PRMT3: variants seen among roughly 807,000 people sequenced by gnomAD.
PRMT3 encodes protein arginine methyltransferase 3.
Under a neutral mutation model 71.9 loss-of-function variants are expected in PRMT3, and 62 were observed. The observed-to-expected ratio is 0.86, with a 90% confidence interval of 0.70 to 1.07. The LOEUF (loss-of-function observed/expected upper bound fraction) is 1.07. Among genes scored for constraint, PRMT3 ranks in the 50% least tolerant of loss-of-function variants. PRMT3 has a pLI of 0.00. For synonymous variants in PRMT3, 213 were observed against 220.4 expected (o/e 0.97, Z 0.30); for missense variants, 663 against 643.0 (o/e 1.03, Z -0.34).
At chr11:20,468,954 A>G (rs1363701570) in intron 13 of PRMT3, among the ~76,000 whole-genome samples, 1 of 152,142 alleles carries the variant, frequency 6.6e-6, no homozygotes, top group African/African-American at 2.4e-5. Context: ...AACAGACTTT[A>G]TATTTTAGGA....
intron 10 of PRMT3, among the ~76,000 whole-genome samples, chr11:20,430,211 C>G (rs1849626604): frequency 6.6e-6 from 1 of 152,028 alleles, no homozygotes; most frequent in Non-Finnish European, 1.5e-5. Context: ...CATAGTTAAG[C>G]ATTTTTTTTC....
In PRMT3 at chr11:20,462,134, G is replaced by A. The variant is rs145890543; in HGVS notation, c.1227G>A (p.Pro409=). The change falls in exon 12 of 16, where the codon CCG becomes CCA. Residue 409 remains proline, a synonymous_variant. Transcript: ENST00000331079. ...IPEAVVEVLD[P]KTLISEPCGI... The stretch of plus-strand genomic sequence containing the variant: ...AAGCTGTTGTGGAAGTTTTAGATCC[G>A]AAGACTCTTATTTCAGAACCTTGTG... 336 of 1,611,362 alleles carry A rather than the reference G, an allele frequency of 2.1e-4. No homozygotes were observed. In the African/African-American group the frequency reaches 3.4e-3, roughly 16 times the overall value.
chr11:20,404,227 T>TG lies in PRMT3; in HGVS notation c.771+1243_771+1244insG, dbSNP rs1565196839. Among the ~76,000 whole-genome samples, 6 of 63,354 alleles carry TG rather than the reference T, an allele frequency of 9.5e-5. No individual in the cohort carries two copies. In the East Asian group the frequency reaches 2.3e-3, roughly 25 times the overall value. 41.6% of individuals were successfully genotyped at this position (63,354 alleles called of 152,430 possible). ...CTTTTCATAGTTTTTTTTTTTTTTT[T>TG]TTTTTTTTTTTTTTTTTTTTTTTTT... is the stretch of plus-strand genomic sequence containing the variant. On this transcript the variant is annotated intron_variant, in intron 8 of 15. Coordinates refer to ENST00000331079, the MANE Select transcript of PRMT3 (RefSeq NM_005788.4).
intron 6 of PRMT3, 39 bp from the exon 7 acceptor site, chr11:20,397,538 A>G (rs760897844): frequency 1.9e-6 from 3 of 1,608,210 alleles, no homozygotes; most frequent in African/African-American, 1.3e-5. Context: ...TCATGGTCCA[A>G]TAAACCTGTC....
rs147024066 is a variant in PRMT3 at position 20,487,836 on chromosome 11, A to G, written c.1348-6083A>G. Among the ~76,000 whole-genome samples the G allele has an allele frequency of 3.3e-5, 5 of 152,356 alleles. No individual in the cohort carries two copies. In the East Asian group the frequency reaches 9.6e-4, roughly 29 times the overall value. ...AAGATGATTTTTGCCCCCTAAAACC[A>G]CTTTAATAAGCAATTTTGAAATTAC... On this transcript the variant is annotated intron_variant, in intron 13 of 15. Coordinates refer to ENST00000331079, the MANE Select transcript of PRMT3 (RefSeq NM_005788.4).
At chr11:20,433,578 C>G (rs1339159572) in intron 10 of PRMT3, among the ~76,000 whole-genome samples, 1 of 152,008 alleles carries the variant, frequency 6.6e-6, no homozygotes, top group Admixed American at 6.6e-5. Flanking sequence ...TGGGTATATA[C>G]CCAGTAATGG....
At chr11:20,496,968 A>G (rs996013706) in intron 15 of PRMT3, among the ~76,000 whole-genome samples, 6 of 152,162 alleles carry the variant, frequency 3.9e-5, no homozygotes, top group South Asian at 2.1e-4. Flanking sequence ...GGCAAACCCA[A>G]ATGAGGTCCT....
At chr11:20,469,088 A>G (rs543884653) in intron 13 of PRMT3, among the ~76,000 whole-genome samples, 58 of 152,296 alleles carry the variant, frequency 3.8e-4, no homozygotes, top group Non-Finnish European at 1.6e-4. Context: ...TTACTTTAGG[A>G]TATTTTTGAC....
chr11:20,393,136 G>A (rs1428738068), intron 5 of PRMT3, 137 bp downstream of exon 5: 6 of 641,618 alleles, frequency 9.4e-6, no homozygotes, highest in Non-Finnish European at 1.6e-5. Context: ...AGTTTCAGTA[G>A]AAAAGTTAAG....
intron 10 of PRMT3, among the ~76,000 whole-genome samples, chr11:20,446,856 C>G (rs1565216155): frequency 6.6e-6 from 1 of 152,122 alleles, no homozygotes; most frequent in Non-Finnish European, 1.5e-5. Context: ...TCATCAGCCG[C>G]CTGTATTTTG....
chr11:20,449,723 C>G (rs942226502), intron 10 of PRMT3, among the ~76,000 whole-genome samples: 2 of 152,016 alleles, frequency 1.3e-5, no homozygotes, highest in Non-Finnish European at 2.9e-5. Flanking sequence ...TTTAAAATAA[C>G]ATTTTAATTT....
intron 11 of PRMT3, 63 bp downstream of exon 11, chr11:20,452,271 G>A: frequency 7.6e-7 from 1 of 1,316,510 alleles, no homozygotes; most frequent in Non-Finnish European, 1.1e-6. Context: ...ATGAACCTTT[G>A]GATTTCAAAT....
At chr11:20,426,706 T>C (rs1849553906) in intron 9 of PRMT3, 60 bp from the exon 10 acceptor site, 3 of 1,340,246 alleles carry the variant, frequency 2.2e-6, no homozygotes, top group Non-Finnish European at 2.9e-6. Context: ...AAAAATTATG[T>C]AATTTAACTA....
intron 10 of PRMT3, among the ~76,000 whole-genome samples, chr11:20,432,970 A>T (rs543641909): frequency 6.6e-6 from 1 of 152,122 alleles, no homozygotes; most frequent in African/African-American, 2.4e-5. Flanking sequence ...TAATTTGCAA[A>T]TATTTTCTCC....
chr11:20,473,227 TCTTCA>T (rs1362869710), intron 13 of PRMT3, among the ~76,000 whole-genome samples: 1 of 152,076 alleles, frequency 6.6e-6, no homozygotes. Flanking sequence ...GTCTCTATCT[TCTTCA>T]CTTCTGCTCT....
At chr11:20,408,167 T>C (rs1038229248) in intron 9 of PRMT3, 135 bp downstream of exon 9, 1 of 525,490 alleles carries the variant, frequency 1.9e-6, no homozygotes, top group South Asian at 3.9e-5. Flanking sequence ...TCCAGAATAA[T>C]AAGATTTTAA....
At chr11:20,496,007 C>T (rs1475760718) in intron 15 of PRMT3, among the ~76,000 whole-genome samples, 4 of 152,166 alleles carry the variant, frequency 2.6e-5, no homozygotes, top group South Asian at 2.1e-4. Context: ...GTAAAACTTT[C>T]GAGAACAGTT....
intron 12 of PRMT3, among the ~76,000 whole-genome samples, chr11:20,462,622 G>T (rs928336260): frequency 6.6e-6 from 1 of 152,004 alleles, no homozygotes; most frequent in Non-Finnish European, 1.5e-5. Context: ...TAGTAAATTT[G>T]CCCATGAAAC....
chr11:20,452,248 C>A, intron 11 of PRMT3, 40 bp downstream of exon 11: 1 of 1,458,942 alleles, frequency 6.9e-7, no homozygotes, highest in Non-Finnish European at 9.6e-7. Context: ...TAATTTTAGT[C>A]TAGCAGAACC....
Sources: allele counts gnomAD v4.1 joint callset (sites outside exome capture counted in the v4.1 genomes callset), GRCh38; gene constraint gnomAD v4.1.1; transcripts MANE v1.5; gene names NCBI Gene and HGNC (gene_info 2026-07-23, HGNC 2026-07-21).